ENTPD3: variants seen among roughly 807,000 people sequenced by gnomAD.
ENTPD3 encodes ectonucleoside triphosphate diphosphohydrolase 3.
In ENTPD3, 60 loss-of-function variants were observed where a neutral mutation model predicts 51.2. The ratio of observed to expected loss-of-function variants is 1.17; its 90% CI spans 0.95 to 1.45. ENTPD3 has a LOEUF of 1.45. Among genes scored for constraint, ENTPD3 ranks in the 40% most tolerant of loss-of-function variants. The pLI, the probability that ENTPD3 is intolerant of heterozygous loss-of-function variation, is 0.00. For missense variants in ENTPD3, 593 were observed against 641.1 expected (o/e 0.93, Z 0.81); for synonymous variants, 221 against 238.4 (o/e 0.93, Z 0.67).
chr3:40,416,028 T>C lies in ENTPD3; in HGVS notation c.786T>C (p.Tyr262=), dbSNP rs1455113587. ...TCTACACACACAGCTTCCAGTGCTA[T>C]GGCCGGAATGAGGCTGAGAAGAAGT... ...YTLYTHSFQC[Y]GRNEAEKKFL... Residue 262 remains tyrosine (Y), a synonymous_variant, in exon 7 of 11, where the codon TAT becomes TAC. Coordinates refer to ENST00000301825, the MANE Select transcript of ENTPD3 (RefSeq NM_001248.4). 2 of 1,614,060 alleles carry C rather than the reference T, an allele frequency of 1.2e-6. No homozygotes were observed. The highest frequency in any genetic ancestry group is 1.1e-5 in the South Asian group (1 of 91,070).
intron 3 of ENTPD3, among the ~76,000 whole-genome samples, chr3:40,398,398 T>C (rs1344797777): frequency 6.6e-5 from 10 of 151,992 alleles, no homozygotes. Context: ...CGGGCTGGAG[T>C]GGTGGTGATC....
intron 3 of ENTPD3, among the ~76,000 whole-genome samples, chr3:40,394,854 T>C (rs577142723): frequency 1.3e-5 from 2 of 152,236 alleles, no homozygotes; most frequent in African/African-American, 4.8e-5. Context: ...CTGCCTGCCC[T>C]GGGCCCCACA....
Position 40,423,135 on chromosome 3 carries a change from C to T in ENTPD3, c.1104+13C>T. 1 of 1,601,690 alleles carries T rather than the reference C, an allele frequency of 6.2e-7. No homozygotes were observed. The highest frequency in any genetic ancestry group is 8.5e-7 in the Non-Finnish European group (1 of 1,173,154). ...AGGGCCATTTGTGGTAAGAGCAAAA[C>T]CTTCTGAAAGATTCCTTTCCCCATT... On this transcript the variant is annotated intron_variant, in intron 8 of 10. Coordinates refer to ENST00000301825, the MANE Select transcript of ENTPD3 (RefSeq NM_001248.4).
intron 5 of ENTPD3, among the ~76,000 whole-genome samples, chr3:40,413,847 T>C (rs1298945989): frequency 6.6e-6 from 1 of 152,200 alleles, no homozygotes; most frequent in Non-Finnish European, 1.5e-5. Context: ...TAATGAGAAT[T>C]AGCTGGGATG....
chr3:40,427,956 G>C lies in ENTPD3; in HGVS notation c.*448G>C, dbSNP rs1310447258. 5.2e-6 allele frequency: 1 copy of C among 193,740 alleles called. No individual in the cohort carries two copies. The highest frequency in any genetic ancestry group is 1.1e-5 in the Non-Finnish European group (1 of 92,438). The allele number at this position is 193,740 out of a possible 1,614,324, so 12.0% of individuals were successfully genotyped here. On this transcript the variant is annotated 3_prime_UTR_variant, in exon 11 of 11. Transcript: ENST00000301825. Reference sequence around the variant, plus strand: ...GTTTTTCCCATTGGTCTTTAACTAAGACTTTCTTGTAGCAATCTCGTAAGC... The same window carrying C: ...GTTTTTCCCATTGGTCTTTAACTAACACTTTCTTGTAGCAATCTCGTAAGC...
Position 40,416,001 on chromosome 3 carries a change from G to A in ENTPD3, c.759G>A (p.Thr253=), listed in dbSNP as rs757136136. 3.1e-6 allele frequency: 5 copies of A among 1,613,994 alleles called. No individual in the cohort carries two copies. Among genetic ancestry groups the A allele is most frequent in the East Asian group, 4.5e-5 (2 of 44,858 alleles). ...TGTCCCTGTATGGCTACGTATACAC[G>A]CTCTACACACACAGCTTCCAGTGCT... The part of the protein sequence containing the change: ...MQVSLYGYVY[T]LYTHSFQCYG... Residue 253 remains threonine, a synonymous_variant, in exon 7 of 11, where the codon ACG becomes ACA. Transcript: ENST00000301825.
At position 40,415,930 on chromosome 3, in the gene ENTPD3, G is replaced by C; in HGVS notation, c.688G>C (p.Val230Leu). 1.2e-6 allele frequency: 2 copies of C among 1,614,106 alleles called. No individual in the cohort carries two copies. Among genetic ancestry groups the C allele is most frequent in the Non-Finnish European group, 1.7e-6 (2 of 1,179,994 alleles). The change falls in exon 7 of 11, where the codon GTG becomes CTG. Residue 230 changes from valine (V) to leucine (L), a missense_variant. Transcript: ENST00000301825. ...LGGASTQISF[V>L]AGEKMDLNTS... is the part of the protein sequence containing the mutation. ...TGGTGCCTCCACCCAAATATCCTTC[G>C]TGGCAGGAGAGAAGATGGATCTGAA...
intron 4 of ENTPD3, 31 bp from the exon 5 acceptor site, chr3:40,411,781 T>C (rs765399069): frequency 6.5e-7 from 1 of 1,547,278 alleles, no homozygotes; most frequent in African/African-American, 1.4e-5. Context: ...TTCCTGGAAA[T>C]GCTGACAGAT....
Position 40,427,787 on chromosome 3 carries a change from T to G in ENTPD3, c.*279T>G. ...CGAAGGTCAGGCTCTTTATATTAAG[T>G]TCCCCAGAGGAAGAGTAAGTTGAGA... On this transcript the variant is annotated 3_prime_UTR_variant, in exon 11 of 11. Coordinates refer to ENST00000301825, the MANE Select transcript of ENTPD3 (RefSeq NM_001248.4). The G allele has an allele frequency of 2.3e-6, 1 of 438,638 alleles. No homozygotes were observed. The highest frequency in any genetic ancestry group is 4.2e-6 in the Non-Finnish European group (1 of 240,456). The allele number at this position is 438,638 out of a possible 1,614,324, so 27.2% of individuals were successfully genotyped here. A position where few individuals can be genotyped will look rare whatever the true frequency, so the allele number is the denominator to read the frequency against.
At chr3:40,399,969 T>C (rs551777426) in intron 3 of ENTPD3, among the ~76,000 whole-genome samples, 1 of 152,254 alleles carries the variant, frequency 6.6e-6, no homozygotes, top group South Asian at 2.1e-4. Context: ...CTGATACAGG[T>C]ATTAACATGC....
At chr3:40,425,491 G>T (rs1955963725) in intron 10 of ENTPD3, among the ~76,000 whole-genome samples, 2 of 152,214 alleles carry the variant, frequency 1.3e-5, no homozygotes, top group Admixed American at 6.5e-5. Context: ...CTGCACAGAA[G>T]ACTTACAATG....
chr3:40,423,107 T>A lies in ENTPD3; in HGVS notation c.1089T>A (p.Ile363=). The change falls in exon 8 of 11, where the codon ATT becomes ATA. Residue 363 remains isoleucine, a synonymous_variant. Coordinates refer to ENST00000301825, the MANE Select transcript of ENTPD3 (RefSeq NM_001248.4). The part of the protein sequence containing the change: ...CSFDGVYQPK[I]KGPFVAFAGF... ...TTGATGGGGTTTATCAGCCAAAGATTAAAGGGCCATTTGTGGTAAGAGCAA... is the reference window on the plus strand; with the variant it reads ...TTGATGGGGTTTATCAGCCAAAGATAAAAGGGCCATTTGTGGTAAGAGCAA... 6.2e-7 allele frequency: 1 copy of A among 1,612,198 alleles called. No homozygotes were observed.
chr3:40,410,113 C>T (rs761838389), intron 4 of ENTPD3, among the ~76,000 whole-genome samples: 13 of 152,164 alleles, frequency 8.5e-5, no homozygotes, highest in Middle Eastern at 3.4e-3. Flanking sequence ...AAAACAAAAT[C>T]GTTTTTTAAA....
intron 5 of ENTPD3, 140 bp from the exon 6 acceptor site, chr3:40,414,541 T>G: frequency 1.1e-6 from 1 of 888,376 alleles, no homozygotes; most frequent in East Asian, 2.7e-5. Flanking sequence ...GGGATTGTGG[T>G]GTACAGCACA....
intron 5 of ENTPD3, among the ~76,000 whole-genome samples, 198 bp downstream of exon 5, chr3:40,412,160 A>C (rs142581141): frequency 1.3e-5 from 2 of 152,208 alleles, no homozygotes; most frequent in African/African-American, 4.8e-5. Flanking sequence ...AACAGTTCTA[A>C]AATTGTTTCC....
Position 40,422,844 on chromosome 3 carries a change from C to A in ENTPD3, c.832-6C>A. On this transcript the variant is annotated splice_polypyrimidine_tract_variant and splice_region_variant and intron_variant, in intron 7 of 10. Coordinates refer to ENST00000301825, the MANE Select transcript of ENTPD3 (RefSeq NM_001248.4). Reference sequence around the variant, plus strand: ...CGTGTCTAACACCTTACTCTTATACCTACAGAATTCTCCTACCAAAAACCA... The same window carrying A: ...CGTGTCTAACACCTTACTCTTATACATACAGAATTCTCCTACCAAAAACCA... 6.2e-7 allele frequency: 1 copy of A among 1,608,326 alleles called. No individual in the cohort carries two copies. The highest frequency in any genetic ancestry group is 1.1e-5 in the South Asian group (1 of 90,800).
At chr3:40,411,419 G>A (rs1185008273) in intron 4 of ENTPD3, among the ~76,000 whole-genome samples, 1 of 152,144 alleles carries the variant, frequency 6.6e-6, no homozygotes, top group South Asian at 2.1e-4. Context: ...CTGAAATATG[G>A]GAATTAAATG....
intron 3 of ENTPD3, chr3:40,399,564 C>A (rs1037264705): frequency 6.6e-6 from 1 of 152,212 alleles, no homozygotes; most frequent in African/African-American, 2.4e-5. Context: ...GCTAGGTTAA[C>A]CCAAAGGTGG....
At chr3:40,405,964 C>T (rs1021981819) in intron 4 of ENTPD3, among the ~76,000 whole-genome samples, 3 of 151,996 alleles carry the variant, frequency 2.0e-5, no homozygotes, top group Admixed American at 6.6e-5. Flanking sequence ...GTTCTTGGCA[C>T]CAGGAATTCA....
Sources: allele counts gnomAD v4.1 joint callset (sites outside exome capture counted in the v4.1 genomes callset), GRCh38; gene constraint gnomAD v4.1.1; transcripts MANE v1.5; gene names NCBI Gene and HGNC (gene_info 2026-07-23, HGNC 2026-07-21).